TNFRSF19: variants seen among roughly 807,000 people sequenced by gnomAD.
TNFRSF19 encodes the protein tumor necrosis factor receptor superfamily member 19.
Under a neutral mutation model 46.4 loss-of-function variants are expected in TNFRSF19, and 27 were observed. The observed-to-expected ratio is 0.58, with a 90% CI of 0.43 to 0.80. The LOEUF (loss-of-function observed/expected upper bound fraction) is 0.80. Ranked by LOEUF, TNFRSF19 falls within the 30% of genes least tolerant of loss-of-function variation. The pLI, the probability that TNFRSF19 is intolerant of heterozygous loss-of-function variation, is 0.00. For synonymous variants in TNFRSF19, 204 were observed against 205.0 expected (o/e 1.00, Z 0.04); for missense variants, 511 against 530.8 (o/e 0.96, Z 0.37).
intron 2 of TNFRSF19, among the ~76,000 whole-genome samples, chr13:23,592,627 G>C (rs776742332): frequency 6.6e-6 from 1 of 152,170 alleles, no homozygotes; most frequent in African/African-American, 2.4e-5. Context: ...GATTTGGATG[G>C]CACTTCTACT....
At chr13:23,649,964 C>T (rs1445807951) in intron 5 of TNFRSF19, among the ~76,000 whole-genome samples, 1 of 152,056 alleles carries the variant, frequency 6.6e-6, no homozygotes, top group Non-Finnish European at 1.5e-5. Context: ...TGTTTTGTGA[C>T]CTAACAGGTG....
At position 23,668,698 on chromosome 13, in the gene TNFRSF19, A is replaced by G. The variant is rs780228405; in HGVS notation, c.846A>G (p.Ala282=). The change falls in exon 9 of 10, where the codon GCA becomes GCG. Residue 282 remains alanine (A), a synonymous_variant. Coordinates refer to ENST00000248484, the MANE Select transcript of TNFRSF19 (RefSeq NM_148957.4). The part of the protein sequence containing the change: ...HSAASLQARN[A]GPAGEMVPTF... ...CTTTTGAACGTGTGTGCAGAAACGC[A>G]GGCCCAGCCGGGGAGATGGTGCCGA... 1 of 1,612,280 alleles carries G rather than the reference A, an allele frequency of 6.2e-7. No homozygotes were observed. Among genetic ancestry groups the G allele is most frequent in the Non-Finnish European group, 8.5e-7 (1 of 1,179,094 alleles).
At chr13:23,587,648 A>G (rs539231806) in intron 1 of TNFRSF19, among the ~76,000 whole-genome samples, 2 of 152,326 alleles carry the variant, frequency 1.3e-5, no homozygotes, top group East Asian at 1.9e-4. Context: ...GTTAGGACAC[A>G]ACCCTAGGTC....
intron 1 of TNFRSF19, among the ~76,000 whole-genome samples, chr13:23,573,504 C>T (rs1030787252): frequency 3.9e-5 from 6 of 151,920 alleles, no homozygotes; most frequent in Admixed American, 6.6e-5. Flanking sequence ...TGTGTACATA[C>T]GAGTTTGGCA....
At chr13:23,669,258 AT>A in intron 9 of TNFRSF19, 161 bp downstream of exon 9, 2 of 1,408,296 alleles carry the variant, frequency 1.4e-6, no homozygotes, top group Non-Finnish European at 1.8e-6. Flanking sequence ...AATTTCAAGT[AT>A]TTTTTTAAAA....
intron 1 of TNFRSF19, among the ~76,000 whole-genome samples, chr13:23,572,645 A>G (rs1270900422): frequency 6.6e-6 from 1 of 152,222 alleles, no homozygotes; most frequent in East Asian, 1.9e-4. Context: ...AAGTCCTTGA[A>G]AATCCACTTC....
chr13:23,634,678 C>T (rs560968271), intron 5 of TNFRSF19, among the ~76,000 whole-genome samples: 1 of 152,298 alleles, frequency 6.6e-6, no homozygotes, highest in African/African-American at 2.4e-5. Context: ...AGCAGACTCA[C>T]ATTTGATGCC....
intron 5 of TNFRSF19, among the ~76,000 whole-genome samples, chr13:23,641,106 A>G (rs981854210): frequency 1.3e-5 from 2 of 152,338 alleles, no homozygotes; most frequent in Admixed American, 6.5e-5. Context: ...ATTACACTCA[A>G]TTATGGTACT....
At position 23,668,707 on chromosome 13, in the gene TNFRSF19, C is replaced by T. The variant is rs141678624; in HGVS notation, c.855C>T (p.Ala285=). ...GTGTGTGCAGAAACGCAGGCCCAGC[C>T]GGGGAGATGGTGCCGACTTTCTTCG... ...ASLQARNAGP[A]GEMVPTFFGS... Residue 285 remains alanine, a synonymous_variant, in exon 9 of 10, where the codon GCC becomes GCT. Coordinates refer to ENST00000248484, the MANE Select transcript of TNFRSF19 (RefSeq NM_148957.4). 6.6e-5 allele frequency: 106 copies of T among 1,613,290 alleles called. No homozygotes were observed. Among genetic ancestry groups the T allele is most frequent in the Non-Finnish European group, 7.8e-5 (92 of 1,179,602 alleles).
intron 3 of TNFRSF19, among the ~76,000 whole-genome samples, chr13:23,603,710 G>GA (rs1262062959): frequency 2.0e-5 from 3 of 151,836 alleles, no homozygotes; most frequent in Non-Finnish European, 2.9e-5. Flanking sequence ...GGCTAAAGGG[G>GA]AAAAAAATCA....
At chr13:23,594,510 C>T (rs545735732) in intron 3 of TNFRSF19, 54 of 205,936 alleles carry the variant, frequency 2.6e-4, no homozygotes, top group Middle Eastern at 4.3e-3. Flanking sequence ...GGGTGGATCC[C>T]GCCACAGCTT....
chr13:23,660,777 G>A (rs376862776), intron 7 of TNFRSF19, among the ~76,000 whole-genome samples: 3 of 152,048 alleles, frequency 2.0e-5, no homozygotes, highest in South Asian at 4.2e-4. Context: ...TTAAAATCAC[G>A]GTAACCTTTG....
At chr13:23,613,922 T>A (rs1881073289) in intron 3 of TNFRSF19, among the ~76,000 whole-genome samples, 1 of 152,258 alleles carries the variant, frequency 6.6e-6, no homozygotes, top group African/African-American at 2.4e-5. Context: ...TTTATTGTTT[T>A]CCTATTACAA....
intron 5 of TNFRSF19, among the ~76,000 whole-genome samples, chr13:23,633,208 G>A (rs1038454995): frequency 6.6e-6 from 1 of 150,854 alleles, no homozygotes; most frequent in African/African-American, 2.4e-5. Flanking sequence ...AACTTCACAG[G>A]CTCAAGTGAT....
rs1884203425 is a variant in TNFRSF19, at chr13:23,659,489, G to T, written c.610+275G>T. 6.6e-6 allele frequency among the ~76,000 whole-genome samples: 1 copy of T among 152,052 alleles called. No homozygotes were observed. The highest frequency in any genetic ancestry group is 2.4e-5 in the African/African-American group (1 of 41,400). ...GATAAACAGTTGGTTAATACATCTTGTTTATTATATGTTTCTTTGTTTTTT... is the reference window on the plus strand; with the variant it reads ...GATAAACAGTTGGTTAATACATCTTTTTTATTATATGTTTCTTTGTTTTTT... On this transcript the variant is annotated intron_variant, in intron 6 of 9. Transcript: ENST00000248484. This position sits in a 1 kb window ranked among gnomAD's most constrained non-coding sequence, Gnocchi z 4.9.
At chr13:23,666,377 T>A (rs1178737761) in intron 7 of TNFRSF19, among the ~76,000 whole-genome samples, 2 of 152,222 alleles carry the variant, frequency 1.3e-5, no homozygotes, top group African/African-American at 4.8e-5. Flanking sequence ...TCCACATTTA[T>A]TAGTTGGCTT....
At chr13:23,607,355 G>A (rs1234988418) in intron 3 of TNFRSF19, among the ~76,000 whole-genome samples, 2 of 152,106 alleles carry the variant, frequency 1.3e-5, no homozygotes, top group African/African-American at 4.8e-5. Flanking sequence ...AATCGCTTGA[G>A]TCTGGGAGGC....
intron 4 of TNFRSF19, among the ~76,000 whole-genome samples, chr13:23,622,039 G>A (rs4770469): frequency 0.28 from 42,038 of 151,990 alleles, 6,306 homozygotes; most frequent in South Asian, 0.4. Context: ...CTCTTCATGC[G>A]TAGTAGTCAC....
intron 5 of TNFRSF19, among the ~76,000 whole-genome samples, chr13:23,639,005 A>G (rs1258392276): frequency 1.3e-5 from 2 of 152,228 alleles, no homozygotes; most frequent in African/African-American, 4.8e-5. Flanking sequence ...AGAAGAAATA[A>G]GAGCTGTTTA....
Sources: gnomAD v4.1 joint callset for allele counts (sites outside exome capture counted in the v4.1 genomes callset) on GRCh38, gnomAD v4.1.1 for gene constraint, Gnocchi (gnomAD v3.1) non-coding constraint, MANE v1.5 for transcripts, NCBI Gene and HGNC (gene_info 2026-07-23, HGNC 2026-07-21) for gene names.